Variants in CSMD1 observed in about 807,000 individuals in gnomAD.
CSMD1 encodes the protein CUB and sushi domain-containing protein 1.
CSMD1 carries 213 observed loss-of-function variants against 417.5 expected under a neutral mutation model. The observed-to-expected ratio is 0.51, with a 90% CI of 0.46 to 0.57. CSMD1 has a LOEUF of 0.57. CSMD1 is among the 20% of genes least tolerant of loss of function. CSMD1 has a pLI of 0.00. For synonymous variants in CSMD1, 2,862 were observed against 1,736.8 expected (o/e 1.65, Z -16.11); for missense variants, 6,923 against 4,529.7 (o/e 1.53, Z -15.17).
chr8:3,491,899 A>G (rs1224742829), intron 11 of CSMD1, among the ~76,000 whole-genome samples: 2 of 152,166 alleles, frequency 1.3e-5, no homozygotes, highest in Non-Finnish European at 2.9e-5. Flanking sequence ...AGACAGAATG[A>G]GAGTTTAAAA....
intron 3 of CSMD1, among the ~76,000 whole-genome samples, chr8:4,161,774 T>G (rs74881458): frequency 3.9e-5 from 6 of 152,178 alleles, no homozygotes; most frequent in South Asian, 2.1e-4. Flanking sequence ...ATCAGATATT[T>G]TGAATTGTGC....
At chr8:4,021,003 G>T (rs1330276212) in intron 4 of CSMD1, among the ~76,000 whole-genome samples, 2 of 152,252 alleles carry the variant, frequency 1.3e-5, no homozygotes, top group Non-Finnish European at 2.9e-5. Flanking sequence ...TGATTAAACT[G>T]CATCTATTTA....
chr8:4,315,651 C>G (rs1798878524), intron 3 of CSMD1, among the ~76,000 whole-genome samples: 1 of 152,030 alleles, frequency 6.6e-6, no homozygotes, highest in African/African-American at 2.4e-5. Flanking sequence ...ATTATAGAAT[C>G]AAGGTTTACA....
chr8:4,744,587 T>C (rs1278873008), intron 1 of CSMD1, among the ~76,000 whole-genome samples: 4 of 152,332 alleles, frequency 2.6e-5, no homozygotes, highest in African/African-American at 9.6e-5. Context: ...AATAATATCT[T>C]TGGTTCGTGG....
intron 11 of CSMD1, among the ~76,000 whole-genome samples, chr8:3,478,621 C>T (rs538705691): frequency 9.5e-4 from 145 of 152,224 alleles, no homozygotes; most frequent in African/African-American, 3.2e-3. Flanking sequence ...TTGCTGTTTT[C>T]CACCCCTGAA....
chr8:4,645,872 G>T (rs976282535), intron 1 of CSMD1, among the ~76,000 whole-genome samples: 2 of 151,962 alleles, frequency 1.3e-5, no homozygotes, highest in African/African-American at 4.8e-5. Flanking sequence ...GTGCTCCTCC[G>T]CTCACTGTAC....
At chr8:3,352,207 T>C (rs1449206928) in intron 21 of CSMD1, among the ~76,000 whole-genome samples, 1 of 152,190 alleles carries the variant, frequency 6.6e-6, no homozygotes, top group Non-Finnish European at 1.5e-5. Context: ...ACAAATAGGA[T>C]GTTTTTATGA....
In CSMD1 at chr8:3,818,316, T is replaced by C. The variant is rs190708241; in HGVS notation, c.819-64274A>G. 1.1e-4 allele frequency among the ~76,000 whole-genome samples: 16 copies of C among 152,240 alleles called. No individual in the cohort carries two copies. In the East Asian group the frequency reaches 3.1e-3, roughly 30 times the overall value. On this transcript the variant is annotated intron_variant, in intron 5 of 69. Coordinates refer to ENST00000635120, the MANE Select transcript of CSMD1 (RefSeq NM_033225.6). Reference sequence around the variant, plus strand: ...GTAGTGGGAGAGAAGAACATACACATGTTCCAAAGAAACTCCCTCATGTGA... The same window carrying C: ...GTAGTGGGAGAGAAGAACATACACACGTTCCAAAGAAACTCCCTCATGTGA...
chr8:3,380,729 G>A (rs543726031), intron 18 of CSMD1, among the ~76,000 whole-genome samples: 2 of 152,166 alleles, frequency 1.3e-5, no homozygotes, highest in Non-Finnish European at 2.9e-5. Flanking sequence ...ATCACACACT[G>A]GGTCCTGTTC....
rs943608990 is a variant in CSMD1 at position 4,566,673 on chromosome 8, A to G, written c.302+70669T>C. Among the ~76,000 whole-genome samples, 12 of 149,392 alleles carry G rather than the reference A, an allele frequency of 8.0e-5. No individual in the cohort carries two copies. The East Asian group carries it at 1.6e-3, about 19-fold the overall frequency. ...GACTCAAAAAAAAAAAAAAAAAAAA[A>G]AAAAAGAAAGCTAGTTTTGGTATAA... On this transcript the variant is annotated intron_variant, in intron 2 of 69. Coordinates refer to ENST00000635120, the MANE Select transcript of CSMD1 (RefSeq NM_033225.6).
At position 4,724,520 on chromosome 8, in the gene CSMD1, A is replaced by ATGTG. The variant is rs66498850; in HGVS notation, c.86-86966_86-86963dup. ...TAATATAGTAGCTCTTTATATATATATGTGTGTGTGTGTGTGTGTGTGTGT... is the reference window on the plus strand; with the variant it reads ...TAATATAGTAGCTCTTTATATATATATGTGTGTGTGTGTGTGTGTGTGTGTGTGT... On this transcript the variant is annotated intron_variant, in intron 1 of 69. Transcript: ENST00000635120. Among the ~76,000 whole-genome samples, 785 of 145,278 alleles carry ATGTG rather than the reference A, an allele frequency of 5.4e-3. 9 individuals carry two copies. Among genetic ancestry groups the ATGTG allele is most frequent in the Middle Eastern group, 0.025 (7 of 282 alleles).
In CSMD1 at chr8:3,188,912, A is replaced by G. The variant is rs183360249; in HGVS notation, c.5498T>C (p.Ile1833Thr). The change falls in exon 35 of 70, where the codon ATA becomes ACA. Residue 1833 changes from isoleucine (I) to threonine (T), a missense_variant. Coordinates refer to ENST00000635120, the MANE Select transcript of CSMD1 (RefSeq NM_033225.6). ...GNNLNCIWKI[I>T]VTEGSGIQIQ... ...CTGAATTCCCGAGCCCTCCGTAACT[A>G]TGATCTTCCATATACAGTTCAAGTT... is the stretch of plus-strand genomic sequence containing the variant. 3.0e-5 allele frequency: 48 copies of G among 1,596,714 alleles called. 1 individual carries two copies. In the Admixed American group the frequency reaches 4.2e-4, roughly 14 times the overall value.
At chr8:4,976,320 G>A (rs1810558612) in intron 1 of CSMD1, among the ~76,000 whole-genome samples, 1 of 152,128 alleles carries the variant, frequency 6.6e-6, no homozygotes, top group Non-Finnish European at 1.5e-5. Context: ...AGAAGTTGCA[G>A]CTGTTCCTTC....
intron 2 of CSMD1, among the ~76,000 whole-genome samples, chr8:4,469,530 C>G (rs1301959996): frequency 6.6e-6 from 1 of 152,120 alleles, no homozygotes; most frequent in Non-Finnish European, 1.5e-5. Flanking sequence ...CTTCCGGAGC[C>G]TTCCTCTTCT....
At chr8:4,402,793 C>T (rs954098590) in intron 3 of CSMD1, among the ~76,000 whole-genome samples, 107 of 133,264 alleles carry the variant, frequency 8.0e-4, no homozygotes, top group African/African-American at 2.8e-3. Flanking sequence ...AATGTCCTCA[C>T]TTTTTTCTTT....
chr8:4,608,713 T>C (rs1177072301), intron 2 of CSMD1, among the ~76,000 whole-genome samples: 2 of 152,232 alleles, frequency 1.3e-5, no homozygotes, highest in African/African-American at 2.4e-5. Flanking sequence ...CTTCAGGCAT[T>C]TCAGAAGTGA....
chr8:4,699,759 A>G (rs898478667), intron 1 of CSMD1, among the ~76,000 whole-genome samples: 1 of 152,202 alleles, frequency 6.6e-6, no homozygotes, highest in Non-Finnish European at 1.5e-5. Flanking sequence ...GCAGTGTTTC[A>G]TGGTTAGTTT....
chr8:4,052,678 A>T (rs1210425282), intron 3 of CSMD1, among the ~76,000 whole-genome samples: 2 of 152,176 alleles, frequency 1.3e-5, no homozygotes, highest in Non-Finnish European at 2.9e-5. Context: ...TCATCCCATA[A>T]TAAGTAAGGT....
intron 1 of CSMD1, among the ~76,000 whole-genome samples, chr8:4,769,118 A>C (rs974706399): frequency 3.9e-5 from 6 of 152,298 alleles, no homozygotes; most frequent in East Asian, 1.9e-4. Context: ...TTCAAAATCT[A>C]CTTGCTCTAT....
Sources: gnomAD v4.1 joint callset for allele counts (sites outside exome capture counted in the v4.1 genomes callset) on GRCh38, gnomAD v4.1.1 for gene constraint, MANE v1.5 for transcripts, NCBI Gene and HGNC (gene_info 2026-07-23, HGNC 2026-07-21) for gene names.